The following LRPPRC variants were observed in gnomAD, a reference collection of about 807,000 sequenced individuals.
LRPPRC encodes leucine-rich PPR motif-containing protein, mitochondrial.
Under a neutral mutation model 180.3 loss-of-function variants are expected in LRPPRC, and 120 were observed. That is an observed-to-expected ratio of 0.67 (90% CI 0.57 to 0.77). The LOEUF (loss-of-function observed/expected upper bound fraction) is 0.77. Ranked by LOEUF, LRPPRC falls within the 30% of genes least tolerant of loss-of-function variation. LRPPRC has a pLI of 0.00. For synonymous variants in LRPPRC, 723 were observed against 600.0 expected (o/e 1.21, Z -3.00); for missense variants, 2,012 against 1,657.2 (o/e 1.21, Z -3.72).
intron 23 of LRPPRC, among the ~76,000 whole-genome samples, chr2:43,939,815 G>A (rs1259758518): frequency 6.6e-6 from 1 of 152,140 alleles, no homozygotes; most frequent in Non-Finnish European, 1.5e-5. Flanking sequence ...TCAAACATGC[G>A]TTCGGAACAG....
At chr2:43,993,627 A>G (rs571105649) in intron 1 of LRPPRC, among the ~76,000 whole-genome samples, 11 of 152,224 alleles carry the variant, frequency 7.2e-5, no homozygotes, top group African/African-American at 2.6e-4. Flanking sequence ...TACAGTGCTC[A>G]GAGTCCAGGA....
At chr2:43,941,340 G>A (rs955769950) in intron 23 of LRPPRC, among the ~76,000 whole-genome samples, 1 of 152,140 alleles carries the variant, frequency 6.6e-6, no homozygotes, top group African/African-American at 2.4e-5. Flanking sequence ...TCTCTTTAGA[G>A]CCTTTTACAG....
At chr2:43,918,518 G>T in intron 27 of LRPPRC, 120 bp from the exon 28 acceptor site, 1 of 842,620 alleles carries the variant, frequency 1.2e-6, no homozygotes, top group Non-Finnish European at 1.9e-6. Context: ...GCTGCCTTTA[G>T]GGAAAGGAAC....
At chr2:43,929,510 C>G (rs551460146) in intron 25 of LRPPRC, among the ~76,000 whole-genome samples, 1 of 152,096 alleles carries the variant, frequency 6.6e-6, no homozygotes, top group Admixed American at 6.5e-5. Context: ...TCATGACATA[C>G]CTTTTTCTTA....
intron 1 of LRPPRC, among the ~76,000 whole-genome samples, chr2:43,987,184 A>G (rs886875579): frequency 2.0e-5 from 3 of 152,170 alleles, no homozygotes; most frequent in African/African-American, 7.2e-5. Context: ...ATGCAAAAAG[A>G]TAATGCCTTT....
At chr2:43,990,326 C>T (rs950480569) in intron 1 of LRPPRC, among the ~76,000 whole-genome samples, 1 of 152,210 alleles carries the variant, frequency 6.6e-6, no homozygotes, top group African/African-American at 2.4e-5. Context: ...ATCTTCTGTT[C>T]TCTTTCTCTC....
intron 30 of LRPPRC, among the ~76,000 whole-genome samples, 164 bp from the exon 31 acceptor site, chr2:43,905,944 TA>T (rs1671053839): frequency 6.6e-6 from 1 of 152,214 alleles, no homozygotes. Context: ...TGTCAATGGT[TA>T]TAGAAGGATA....
intron 14 of LRPPRC, among the ~76,000 whole-genome samples, chr2:43,956,710 T>C (rs1673133362): frequency 6.6e-6 from 1 of 151,936 alleles, no homozygotes; most frequent in African/African-American, 2.4e-5. Flanking sequence ...GCCAACATGG[T>C]GAAACCCCAT....
chr2:43,974,406 A>AT, intron 8 of LRPPRC, 111 bp from the exon 9 acceptor site: 1 of 873,688 alleles, frequency 1.1e-6, no homozygotes, highest in South Asian at 1.4e-5. Flanking sequence ...TCAAAAGCAT[A>AT]TAACTGCCTA....
intron 1 of LRPPRC, among the ~76,000 whole-genome samples, chr2:43,986,242 G>A (rs552336122): frequency 1.3e-5 from 2 of 152,132 alleles, no homozygotes; most frequent in Non-Finnish European, 2.9e-5. Context: ...CGATTCTCAT[G>A]CCTCAGCCTC....
chr2:43,903,527 T>C (rs950078465), intron 31 of LRPPRC: 2 of 134,588 alleles, frequency 1.5e-5, no homozygotes, highest in Non-Finnish European at 3.1e-5. Flanking sequence ...TCCTCACTGA[T>C]GATCATTTTA....
chr2:43,947,029 C>G, intron 20 of LRPPRC, among the ~76,000 whole-genome samples: 1 of 152,100 alleles, frequency 6.6e-6, no homozygotes, highest in Non-Finnish European at 1.5e-5. Context: ...CCTATCACAG[C>G]TGTTACTATC....
chr2:43,915,626 G>A (rs1430027427), intron 29 of LRPPRC, among the ~76,000 whole-genome samples: 5 of 152,144 alleles, frequency 3.3e-5, no homozygotes, highest in African/African-American at 9.7e-5. Context: ...GGAGGTTGCA[G>A]TGAGAATGCA....
chr2:43,891,951 T>C lies in LRPPRC; in HGVS notation c.3986-2075A>G, dbSNP rs964910938. Among the ~76,000 whole-genome samples the C allele has an allele frequency of 2.6e-5, 4 of 152,222 alleles. 1 individual carries two copies. The East Asian group carries it at 5.8e-4, about 22-fold the overall frequency. ...TGATAAGAAACTGACACAGCCTTAC[T>C]AGTGACATGGAGAAAGTTTTATTGG... is the stretch of plus-strand genomic sequence containing the variant. On this transcript the variant is annotated intron_variant, in intron 36 of 37. Coordinates refer to ENST00000260665, the MANE Select transcript of LRPPRC (RefSeq NM_133259.4).
intron 27 of LRPPRC, among the ~76,000 whole-genome samples, chr2:43,920,045 A>G (rs1671640341): frequency 1.3e-5 from 2 of 151,592 alleles, no homozygotes; most frequent in South Asian, 4.2e-4. Context: ...ACAAAAAACA[A>G]AGCATACTCA....
At chr2:43,918,792 GATAT>G (rs111297590) in intron 27 of LRPPRC, among the ~76,000 whole-genome samples, 10 of 45,092 alleles carry the variant, frequency 2.2e-4, no homozygotes, top group Non-Finnish European at 3.2e-4. Context: ...TATATATATA[GATAT>G]ATATATATAT....
intron 14 of LRPPRC, among the ~76,000 whole-genome samples, chr2:43,954,553 T>C (rs939428848): frequency 6.6e-6 from 1 of 152,178 alleles, no homozygotes; most frequent in Admixed American, 6.5e-5. Context: ...TCTGGAAAAG[T>C]AGTATGGTAG....
chr2:43,909,148 C>G (rs77549746), intron 30 of LRPPRC, among the ~76,000 whole-genome samples: 3 of 152,188 alleles, frequency 2.0e-5, no homozygotes, highest in East Asian at 3.8e-4. Flanking sequence ...GTAACTTGAA[C>G]TTTCACTTCT....
In LRPPRC at chr2:43,949,477, T is replaced by C. The variant is rs1007780177; in HGVS notation, c.1735+125A>G. The C allele has an allele frequency of 4.1e-6, 3 of 736,350 alleles. No individual in the cohort carries two copies. In the African/African-American group the frequency reaches 5.2e-5, roughly 13 times the overall value. 45.6% of individuals were successfully genotyped at this position (736,350 alleles called of 1,614,324 possible). Reference sequence around the variant, plus strand: ...ATGTTGTAATCAATATAAAGATTTATAACCAAATGTTTTCAAATTCCACTT... The same window carrying C: ...ATGTTGTAATCAATATAAAGATTTACAACCAAATGTTTTCAAATTCCACTT... On this transcript the variant is annotated intron_variant, in intron 16 of 37. Transcript: ENST00000260665.
Sources: allele counts gnomAD v4.1 joint callset (sites outside exome capture counted in the v4.1 genomes callset), GRCh38; gene constraint gnomAD v4.1.1; transcripts MANE v1.5; gene names NCBI Gene and HGNC (gene_info 2026-07-23, HGNC 2026-07-21).